The following PTPRZ1 variants were observed in gnomAD, a reference collection of about 807,000 sequenced individuals.
PTPRZ1 encodes the protein protein tyrosine phosphatase receptor type Z1.
A neutral mutation model predicts 214.1 loss-of-function variants in PTPRZ1; 82 were observed. The observed-to-expected ratio is 0.38, with a 90% CI of 0.32 to 0.46. The LOEUF is 0.46. PTPRZ1 is among the 20% of genes least tolerant of loss of function. The pLI is 1.00. For missense variants in PTPRZ1, 2,603 were observed against 2,748.7 expected (o/e 0.95, Z 1.19); for synonymous variants, 945 against 987.9 (o/e 0.96, Z 0.81).
At position 122,012,512 on chromosome 7, in the gene PTPRZ1, G is replaced by T. The variant is rs1798705102; in HGVS notation, c.3466G>T (p.Ala1156Ser). Residue 1156 changes from alanine (A) to serine (S), a missense_variant, in exon 12 of 30, where the codon GCT (alanine) becomes TCT (serine). By Grantham distance (99) the Ala-to-Ser change is moderately conservative. Coordinates refer to ENST00000393386, the MANE Select transcript of PTPRZ1 (RefSeq NM_002851.3). ...CTCAGAGCCAGCATCCTCTGACCCTGCTTCTAGTGAAATGTTATCTCCTTC... is the reference window on the plus strand; with the variant it reads ...CTCAGAGCCAGCATCCTCTGACCCTTCTTCTAGTGAAATGTTATCTCCTTC... ...ANSEPASSDPASSEMLSPSTQ... is the reference protein window; with the variant it reads ...ANSEPASSDPSSSEMLSPSTQ... 6.2e-7 allele frequency: 1 copy of T among 1,613,986 alleles called. No individual in the cohort carries two copies. The highest frequency in any genetic ancestry group is 8.5e-7 in the Non-Finnish European group (1 of 1,179,980).
chr7:121,992,370 CTT>C (rs1797994538), intron 8 of PTPRZ1, among the ~76,000 whole-genome samples: 1 of 152,136 alleles, frequency 6.6e-6, no homozygotes, highest in Non-Finnish European at 1.5e-5. Flanking sequence ...TTCTCTGTCT[CTT>C]TTCTTTTTTT....
At position 121,958,264 on chromosome 7, in the gene PTPRZ1, A is replaced by G. The variant is rs1424904437; in HGVS notation, c.125-9687A>G. Among the ~76,000 whole-genome samples the G allele has an allele frequency of 2.0e-5, 3 of 152,192 alleles. 1 individual carries two copies. The highest frequency in any genetic ancestry group is 4.4e-5 in the Non-Finnish European group (3 of 68,046). Reference sequence around the variant, plus strand: ...GGGTTTGGAGTTGGGAAATAACCAAATCCAAACTCATTCTTCACTCATGAC... The same window carrying G: ...GGGTTTGGAGTTGGGAAATAACCAAGTCCAAACTCATTCTTCACTCATGAC... On this transcript the variant is annotated intron_variant, in intron 2 of 29. Transcript: ENST00000393386.
At chr7:122,039,005 T>C in intron 19 of PTPRZ1, 116 bp downstream of exon 19, 1 of 1,119,802 alleles carries the variant, frequency 8.9e-7, no homozygotes, top group Non-Finnish European at 1.3e-6. Context: ...TTTGGGATTC[T>C]TTTTTAGTAA....
chr7:122,009,234 T>C (rs950866696), intron 11 of PTPRZ1, among the ~76,000 whole-genome samples: 2 of 152,094 alleles, frequency 1.3e-5, no homozygotes, highest in Non-Finnish European at 2.9e-5. Flanking sequence ...GTGTGTTTCA[T>C]ACAGTGCAGA....
chr7:121,956,348 C>G (rs978594991), intron 2 of PTPRZ1, among the ~76,000 whole-genome samples: 7 of 152,120 alleles, frequency 4.6e-5, no homozygotes, highest in Non-Finnish European at 1.0e-4. Context: ...CAATTATTAA[C>G]AGTATACAAC....
chr7:121,967,886 A>C, intron 2 of PTPRZ1, 65 bp from the exon 3 acceptor site: 1 of 1,192,384 alleles, frequency 8.4e-7, no homozygotes, highest in Non-Finnish European at 1.2e-6. Context: ...ATTAACTATA[A>C]TGTAAAGTTT....
chr7:121,990,583 G>A (rs182439573), intron 8 of PTPRZ1, among the ~76,000 whole-genome samples: 233 of 127,380 alleles, frequency 1.8e-3, no homozygotes, highest in African/African-American at 6.4e-3. Flanking sequence ...ACAGTGTATC[G>A]ATCTCTGCTT....
At chr7:122,033,539 G>A (rs548197929) in intron 15 of PTPRZ1, among the ~76,000 whole-genome samples, 2 of 151,938 alleles carry the variant, frequency 1.3e-5, no homozygotes, top group East Asian at 3.9e-4. Context: ...TAAATATTTA[G>A]AGTGTTATGC....
At chr7:122,024,680 A>G (rs1314190793) in intron 13 of PTPRZ1, among the ~76,000 whole-genome samples, 1 of 152,022 alleles carries the variant, frequency 6.6e-6, no homozygotes, top group Non-Finnish European at 1.5e-5. Flanking sequence ...TTATTGGGCT[A>G]CTTATTTTCT....
chr7:122,009,630 A>C (rs887059348), intron 11 of PTPRZ1, among the ~76,000 whole-genome samples: 2 of 152,034 alleles, frequency 1.3e-5, no homozygotes, highest in African/African-American at 4.8e-5. Flanking sequence ...ACTTCTAGCT[A>C]GAAGACTAGA....
At chr7:122,056,774 C>A (rs1011536424) in intron 27 of PTPRZ1, among the ~76,000 whole-genome samples, 2 of 151,852 alleles carry the variant, frequency 1.3e-5, no homozygotes, top group South Asian at 4.1e-4. Context: ...CCCCTTCATC[C>A]TCTCCTCACT....
chr7:121,994,734 G>T (rs970876590), intron 8 of PTPRZ1, among the ~76,000 whole-genome samples: 17 of 152,074 alleles, frequency 1.1e-4, no homozygotes, highest in African/African-American at 4.1e-4. Flanking sequence ...CAATTTGAAG[G>T]TCTTCTGCCA....
In PTPRZ1 at chr7:122,011,135, C is replaced by G. The variant is rs1207295050; in HGVS notation, c.2089C>G (p.Pro697Ala). 6.2e-7 allele frequency: 1 copy of G among 1,613,956 alleles called. No individual in the cohort carries two copies. The highest frequency in any genetic ancestry group is 1.3e-5 in the African/African-American group (1 of 74,916). ...GACAACCAAGTCCTTTTCTGCAGGC[C>G]CAGTGATGTCACAGGGTCCCTCAGT... ...EKTTKSFSAG[P>A]VMSQGPSVTD... The change falls in exon 12 of 30, where the codon CCA becomes GCA. Residue 697 changes from proline to alanine, a missense_variant. Physicochemically the swap from Pro to Ala is conservative, Grantham distance 27. This residue lies in a region of PTPRZ1 where 1,913 missense variants were observed against 1,914.3 expected (regional missense o/e 1.00). Coordinates refer to ENST00000393386, the MANE Select transcript of PTPRZ1 (RefSeq NM_002851.3).
chr7:122,021,294 G>A (rs1799009337), intron 13 of PTPRZ1, among the ~76,000 whole-genome samples: 1 of 152,082 alleles, frequency 6.6e-6, no homozygotes, highest in African/African-American at 2.4e-5. Context: ...TATTAATAAT[G>A]TGTCATTTCA....
intron 1 of PTPRZ1, among the ~76,000 whole-genome samples, chr7:121,882,825 A>G (rs895193380): frequency 2.0e-5 from 3 of 152,200 alleles, no homozygotes; most frequent in African/African-American, 7.2e-5. Context: ...TCCTCTTTAT[A>G]GAATTCTTTA....
At chr7:121,980,465 T>C (rs1057156433) in intron 6 of PTPRZ1, among the ~76,000 whole-genome samples, 4 of 152,266 alleles carry the variant, frequency 2.6e-5, no homozygotes, top group African/African-American at 9.6e-5. Context: ...TATCTTGGCA[T>C]TGGAGAAGAG....
intron 1 of PTPRZ1, among the ~76,000 whole-genome samples, chr7:121,882,987 C>T (rs1276047534): frequency 6.6e-6 from 1 of 152,012 alleles, no homozygotes; most frequent in Non-Finnish European, 1.5e-5. Context: ...GCATGGAACA[C>T]AGGGAATCAG....
At chr7:121,987,789 G>A (rs1449598321) in intron 8 of PTPRZ1, among the ~76,000 whole-genome samples, 1 of 152,126 alleles carries the variant, frequency 6.6e-6, no homozygotes, top group Non-Finnish European at 1.5e-5. Context: ...CATGTGCTCA[G>A]TGGTAGATTA....
At chr7:121,945,768 A>G (rs751308251) in intron 2 of PTPRZ1, among the ~76,000 whole-genome samples, 1 of 152,140 alleles carries the variant, frequency 6.6e-6, no homozygotes, top group East Asian at 1.9e-4. Context: ...TCTATGCCCA[A>G]TGCAAGAAGG....
Sources: allele counts gnomAD v4.1 joint callset (sites outside exome capture counted in the v4.1 genomes callset), GRCh38; gene constraint gnomAD v4.1.1; regional missense constraint gnomAD v4.1.1; transcripts MANE v1.5; gene names NCBI Gene and HGNC (gene_info 2026-07-23, HGNC 2026-07-21).